VPS13B: variants seen among roughly 807,000 people sequenced by gnomAD.
VPS13B encodes vacuolar protein sorting 13 homolog B.
A neutral mutation model predicts 426.4 loss-of-function variants in VPS13B; 285 were observed. The ratio of observed to expected loss-of-function variants is 0.67; its 90% CI spans 0.61 to 0.74. The LOEUF (loss-of-function observed/expected upper bound fraction) is 0.74, where lower values mean the gene tolerates loss of function less well. Among genes scored for constraint, VPS13B ranks in the 30% least tolerant of loss-of-function variants. The pLI, the probability that VPS13B is intolerant of heterozygous loss-of-function variation, is 0.00. For missense variants in VPS13B, 4,537 were observed against 4,782.6 expected, an observed-to-expected ratio of 0.95 and a Z score of 1.51; for synonymous variants, 1,676 against 1,676.4, an observed-to-expected ratio of 1.00 and a Z score of 0.01.
intron 36 of VPS13B, among the ~76,000 whole-genome samples, chr8:99,708,837 C>CTG (rs199521329): frequency 0.021 from 2,968 of 142,374 alleles, 103 homozygotes; most frequent in African/African-American, 0.071. Context: ...CTGTCTCTCT[C>CTG]TCTCTCTCTC....
chr8:99,668,220 G>A (rs1830563519), intron 35 of VPS13B, among the ~76,000 whole-genome samples: 1 of 151,936 alleles, frequency 6.6e-6, no homozygotes, highest in Non-Finnish European at 1.5e-5. Flanking sequence ...ACCAGGCATG[G>A]TGATATGTGC....
intron 19 of VPS13B, among the ~76,000 whole-genome samples, chr8:99,334,281 T>C (rs996702317): frequency 1.3e-5 from 2 of 152,046 alleles, no homozygotes; most frequent in African/African-American, 2.4e-5. Flanking sequence ...TGAAATGATA[T>C]CTCATTCTTG....
At chr8:99,793,982 G>A (rs747866112) in intron 43 of VPS13B, among the ~76,000 whole-genome samples, 2 of 152,156 alleles carry the variant, frequency 1.3e-5, no homozygotes, top group Non-Finnish European at 1.5e-5. Flanking sequence ...TTGGCTGGGT[G>A]CAGTGGTGCT....
Position 99,806,484 on chromosome 8 carries a change from C to G in VPS13B, c.7942-2891C>G, listed in dbSNP as rs539045671. On this transcript the variant is annotated intron_variant, in intron 43 of 61. Transcript: ENST00000357162. ...TGTGACTGCTCCTCTCCTTTCCTGACTGCTTCATGTTAGTTATTTGTTCTT... is the reference window on the plus strand; with the variant it reads ...TGTGACTGCTCCTCTCCTTTCCTGAGTGCTTCATGTTAGTTATTTGTTCTT... Among the ~76,000 whole-genome samples the G allele has an allele frequency of 6.6e-5, 10 of 152,316 alleles. No individual in the cohort carries two copies. The East Asian group carries it at 1.9e-3, about 29-fold the overall frequency.
rs780709978 is a variant in VPS13B at position 99,511,506 on chromosome 8, G to T, written c.4627G>T (p.Val1543Phe). 4.3e-6 allele frequency: 7 copies of T among 1,612,350 alleles called. No individual in the cohort carries two copies. Among genetic ancestry groups the T allele is most frequent in the Non-Finnish European group, 5.9e-6 (7 of 1,179,658 alleles). ...IPKTEEMQPT[V>F]EANQAAKEDT... ...AAAAACAGAAGAAATGCAGCCAACTGTTGAAGGTATTGTCTTCTGATTTTT... is the reference window on the plus strand; with the variant it reads ...AAAAACAGAAGAAATGCAGCCAACTTTTGAAGGTATTGTCTTCTGATTTTT... The change falls in exon 29 of 62, where the codon GTT becomes TTT. Residue 1543 changes from valine to phenylalanine, a missense_variant. This residue lies in a region of VPS13B where 4,311 missense variants were observed against 4,474.3 expected (regional missense o/e 0.96). Transcript: ENST00000357162.
chr8:99,611,744 T>G (rs1388970329), intron 33 of VPS13B, among the ~76,000 whole-genome samples: 1 of 152,060 alleles, frequency 6.6e-6, no homozygotes, highest in Non-Finnish European at 1.5e-5. Context: ...TAAAATAGAC[T>G]GGAAAGTCTT....
intron 35 of VPS13B, among the ~76,000 whole-genome samples, chr8:99,683,192 G>A (rs1831227728): frequency 6.6e-6 from 1 of 152,078 alleles, no homozygotes; most frequent in Non-Finnish European, 1.5e-5. Flanking sequence ...TCTGGACTCT[G>A]TTCTGTTCCA....
At chr8:99,485,121 T>A (rs1244101723) in intron 25 of VPS13B, among the ~76,000 whole-genome samples, 3 of 152,152 alleles carry the variant, frequency 2.0e-5, no homozygotes, top group Non-Finnish European at 4.4e-5. Context: ...ATGTAACTTG[T>A]TAACAGATTT....
intron 3 of VPS13B, among the ~76,000 whole-genome samples, chr8:99,039,533 C>T (rs1359083220): frequency 2.7e-5 from 4 of 147,668 alleles, no homozygotes; most frequent in African/African-American, 1.0e-4. Context: ...GTCTGTCATT[C>T]ATTTTTATTA....
At chr8:99,352,604 G>A (rs1454937460) in intron 19 of VPS13B, among the ~76,000 whole-genome samples, 5 of 152,074 alleles carry the variant, frequency 3.3e-5, no homozygotes, top group African/African-American at 1.2e-4. Flanking sequence ...TGGGCAGATC[G>A]CTTGAGGTCA....
At position 99,017,457 on chromosome 8, in the gene VPS13B, CTAT is replaced by C. The variant is rs372319594; in HGVS notation, c.147+3524_147+3526del. ...CTTTTCTCCTTCAAGATTGTCATAA[CTAT>C]TTTAGGTCCTTTGTATTTCCATATA... On this transcript the variant is annotated intron_variant, in intron 2 of 61. Transcript: ENST00000357162. 4.1e-3 allele frequency among the ~76,000 whole-genome samples: 630 copies of C among 151,924 alleles called. 5 individuals are homozygous for C. The highest frequency in any genetic ancestry group is 0.022 in the South Asian group (105 of 4,796).
intron 7 of VPS13B, among the ~76,000 whole-genome samples, 173 bp downstream of exon 7, chr8:99,116,047 A>G (rs1448084403): frequency 6.6e-6 from 1 of 151,988 alleles, no homozygotes; most frequent in Non-Finnish European, 1.5e-5. Context: ...TTTTGTTTTG[A>G]GATGGAGACT....
At chr8:99,285,469 A>G (rs1406424441) in intron 19 of VPS13B, among the ~76,000 whole-genome samples, 1 of 152,210 alleles carries the variant, frequency 6.6e-6, no homozygotes, top group East Asian at 1.9e-4. Flanking sequence ...TTAGTATACA[A>G]AAAGTATTCG....
chr8:99,569,293 A>C (rs1220016405), intron 31 of VPS13B, among the ~76,000 whole-genome samples: 4 of 151,938 alleles, frequency 2.6e-5, no homozygotes, highest in African/African-American at 9.7e-5. Flanking sequence ...CCGGGTGTGC[A>C]GTCCACACAC....
At chr8:99,108,832 G>A (rs761155229) in intron 5 of VPS13B, among the ~76,000 whole-genome samples, 8 of 152,066 alleles carry the variant, frequency 5.3e-5, no homozygotes, top group Non-Finnish European at 8.8e-5. Context: ...TTGGTATTTT[G>A]ATAGGGATTG....
At chr8:99,859,263 A>G in intron 56 of VPS13B, 41 bp from the exon 57 acceptor site, 16 of 1,611,966 alleles carry the variant, frequency 9.9e-6, no homozygotes, top group Non-Finnish European at 1.4e-5. Context: ...AAAGTTCTGC[A>G]TTTGAGGTTT....
intron 2 of VPS13B, among the ~76,000 whole-genome samples, chr8:99,026,709 C>T (rs888822858): frequency 1.3e-5 from 2 of 152,064 alleles, no homozygotes; most frequent in African/African-American, 4.8e-5. Flanking sequence ...CCTTCTTTGT[C>T]TCCTTATATA....
chr8:99,038,354 GAA>G, intron 2 of VPS13B, 67 bp from the exon 3 acceptor site: 1 of 1,293,564 alleles, frequency 7.7e-7, no homozygotes, highest in Non-Finnish European at 1.1e-6. Flanking sequence ...TTTTAAAAAA[GAA>G]ATTTGCATAT....
chr8:99,330,228 C>CT (rs1235547256), intron 19 of VPS13B, among the ~76,000 whole-genome samples: 4 of 151,700 alleles, frequency 2.6e-5, no homozygotes, highest in Non-Finnish European at 5.9e-5. Flanking sequence ...TAAAGTACCC[C>CT]TTATTAAAAC....
Sources: gnomAD v4.1 joint callset for allele counts (sites outside exome capture counted in the v4.1 genomes callset) on GRCh38, gnomAD v4.1.1 for gene constraint, gnomAD v4.1.1 regional missense constraint, MANE v1.5 for transcripts, NCBI Gene and HGNC (gene_info 2026-07-23, HGNC 2026-07-21) for gene names.